The following SRGAP3 variants were observed in gnomAD, a reference collection of about 807,000 sequenced individuals.
SRGAP3 encodes SLIT-ROBO Rho GTPase activating protein 3.
Under a neutral mutation model 121.1 loss-of-function variants are expected in SRGAP3, and 39 were observed. That is an observed-to-expected ratio of 0.32 (90% CI 0.25 to 0.42). The LOEUF is 0.42. SRGAP3 is among the 10% of genes least tolerant of loss of function. The pLI, the probability that SRGAP3 is intolerant of heterozygous loss-of-function variation, is 1.00. For missense variants in SRGAP3, 1,213 were observed against 1,470.6 expected, an observed-to-expected ratio of 0.82 and a Z score of 2.86; for synonymous variants, 601 against 570.0, an observed-to-expected ratio of 1.05 and a Z score of -0.77.
At chr3:9,061,383 G>A (rs1946163631) in intron 5 of SRGAP3, among the ~76,000 whole-genome samples, 1 of 151,920 alleles carries the variant, frequency 6.6e-6, no homozygotes, top group South Asian at 2.1e-4. Context: ...AGCCTCCTTG[G>A]TCCATCCTTT....
intron 18 of SRGAP3, among the ~76,000 whole-genome samples, chr3:9,000,004 G>A (rs1335188414): frequency 3.9e-5 from 6 of 152,152 alleles, no homozygotes; most frequent in Admixed American, 1.3e-4. Context: ...TCTGTTACTT[G>A]AACCAAGACT....
chr3:9,061,382 G>T (rs1946163344), intron 5 of SRGAP3, among the ~76,000 whole-genome samples: 1 of 152,026 alleles, frequency 6.6e-6, no homozygotes, highest in South Asian at 2.1e-4. Context: ...CAGCCTCCTT[G>T]GTCCATCCTT....
chr3:9,264,680 C>G (rs1394384893), intron 3 of SRGAP3, among the ~76,000 whole-genome samples: 4 of 152,136 alleles, frequency 2.6e-5, no homozygotes, highest in African/African-American at 9.7e-5. Context: ...TGAAAGACCT[C>G]TTCAAGGAGA....
chr3:9,209,119 T>A (rs1028051723), intron 1 of SRGAP3, among the ~76,000 whole-genome samples: 19 of 152,198 alleles, frequency 1.2e-4, no homozygotes, highest in Non-Finnish European at 2.4e-4. Flanking sequence ...CCCACCAATA[T>A]TTTACCTTCC....
chr3:9,239,422 CAAGA>C lies in SRGAP3; in HGVS notation c.67+9459_67+9462del, dbSNP rs974404429. 5.9e-5 allele frequency among the ~76,000 whole-genome samples: 9 copies of C among 152,200 alleles called. No individual in the cohort carries two copies. The highest frequency in any genetic ancestry group is 3.4e-3 in the Middle Eastern group (1 of 294). ...AGATGTGAAATGGAGACTGAGTCACCAAGAAAGAAAGAAAAATATATTTCTTGTG... is the reference window on the plus strand; with the variant it reads ...AGATGTGAAATGGAGACTGAGTCACCAAGAAAGAAAAATATATTTCTTGTG... On this transcript the variant is annotated intron_variant, in intron 1 of 21. Transcript: ENST00000383836. This position sits in a 1 kb window ranked among gnomAD's most constrained non-coding sequence, Gnocchi z 4.0.
intron 6 of SRGAP3, chr3:9,059,666 T>A (rs561378683): frequency 5.4e-6 from 1 of 186,206 alleles, no homozygotes; most frequent in South Asian, 1.2e-4. Flanking sequence ...CCCTGTGGCG[T>A]GTCCTGCACA....
chr3:9,353,749 T>C (rs984313350), intron 1 of SRGAP3, among the ~76,000 whole-genome samples: 2 of 152,226 alleles, frequency 1.3e-5, no homozygotes, highest in African/African-American at 4.8e-5. Context: ...TTAATAAGAT[T>C]ATATTAATAG....
intron 1 of SRGAP3, among the ~76,000 whole-genome samples, chr3:9,148,226 G>A (rs946888401): frequency 7.1e-5 from 10 of 140,666 alleles, no homozygotes; most frequent in African/African-American, 2.8e-4. Context: ...CTCCAGAAAC[G>A]CCGGCTTTTA....
intron 3 of SRGAP3, among the ~76,000 whole-genome samples, chr3:9,301,051 G>C (rs1955046316): frequency 6.6e-6 from 1 of 152,134 alleles, no homozygotes; most frequent in Non-Finnish European, 1.5e-5. Context: ...TTAAAAAAGG[G>C]CTTAAATCTG....
At chr3:9,204,617 T>G (rs756408980) in intron 1 of SRGAP3, among the ~76,000 whole-genome samples, 4 of 151,480 alleles carry the variant, frequency 2.6e-5, no homozygotes, top group Non-Finnish European at 5.9e-5. Flanking sequence ...GAAAACATTC[T>G]ACACCCAAAC....
At chr3:9,230,474 G>A (rs1574910175) in intron 1 of SRGAP3, among the ~76,000 whole-genome samples, 1 of 152,226 alleles carries the variant, frequency 6.6e-6, no homozygotes, top group African/African-American at 2.4e-5. Flanking sequence ...GATGACAATC[G>A]TACCCCCATG....
chr3:9,163,611 C>T (rs939249042), intron 1 of SRGAP3, among the ~76,000 whole-genome samples: 7 of 152,156 alleles, frequency 4.6e-5, no homozygotes, highest in Non-Finnish European at 1.0e-4. Flanking sequence ...GTGGGGTACA[C>T]AGGAAAAAGG....
At chr3:9,360,068 C>A (rs2030712262) in intron 1 of SRGAP3, among the ~76,000 whole-genome samples, 1 of 152,104 alleles carries the variant, frequency 6.6e-6, no homozygotes, top group South Asian at 2.1e-4. Flanking sequence ...TGTCTGGTAC[C>A]ACAGATGAGT....
chr3:9,174,467 G>A (rs1951102233), intron 1 of SRGAP3, among the ~76,000 whole-genome samples: 1 of 152,214 alleles, frequency 6.6e-6, no homozygotes, highest in African/African-American at 2.4e-5. Flanking sequence ...AAGCAAGGTG[G>A]AGGGAGTAGG....
Position 9,013,469 on chromosome 3 carries a change from G to T in SRGAP3, c.1986C>A (p.Thr662=). 1 of 1,614,074 alleles carries T rather than the reference G, an allele frequency of 6.2e-7. No homozygotes were observed. The highest frequency in any genetic ancestry group is 8.5e-7 in the Non-Finnish European group (1 of 1,180,008). Residue 662 remains threonine (T), a synonymous_variant, in exon 17 of 22, where the codon ACC becomes ACA. Coordinates refer to ENST00000383836, the MANE Select transcript of SRGAP3 (RefSeq NM_014850.4). The stretch of plus-strand genomic sequence containing the variant: ...CCTGCCCATCAGGGATGTGCATGAG[G>T]GTAGGCCCGAAGCAGATGGCCAGGT... ...PYNLAICFGP[T]LMHIPDGQDP... is the part of the protein sequence containing the mutation.
At chr3:9,129,673 C>A (rs1204449745) in intron 1 of SRGAP3, among the ~76,000 whole-genome samples, 1 of 151,956 alleles carries the variant, frequency 6.6e-6, no homozygotes, top group East Asian at 1.9e-4. Flanking sequence ...TCTGCCTCAT[C>A]TCCTCAAATG....
At position 9,261,458 on chromosome 3, in the gene SRGAP3, G is replaced by A. The variant is rs533482054; in HGVS notation, n.442+64552C>T. ...AAGGAAACTAAGAACCTTGATAAAA[G>A]GTTACAGGAACTGCTAACTAGAATA... is the stretch of plus-strand genomic sequence containing the variant. On this transcript the variant is annotated intron_variant and non_coding_transcript_variant, in intron 3 of 3. Coordinates refer to the SRGAP3 transcript ENST00000490889. Among the ~76,000 whole-genome samples, 4 of 151,942 alleles carry A rather than the reference G, an allele frequency of 2.6e-5. No homozygotes were observed. The East Asian group carries it at 7.8e-4, about 30-fold the overall frequency.
chr3:9,135,416 A>G (rs1391213770), intron 1 of SRGAP3, among the ~76,000 whole-genome samples: 1 of 152,138 alleles, frequency 6.6e-6, no homozygotes, highest in Non-Finnish European at 1.5e-5. Flanking sequence ...ATGATGATGG[A>G]GACTCACTCT....
chr3:9,175,796 G>C (rs1220591313), intron 1 of SRGAP3, among the ~76,000 whole-genome samples: 1 of 152,192 alleles, frequency 6.6e-6, no homozygotes, highest in African/African-American at 2.4e-5. Flanking sequence ...TACATGTTTA[G>C]AGAGAAAAAG....
Sources: gnomAD v4.1 joint callset for allele counts (sites outside exome capture counted in the v4.1 genomes callset) on GRCh38, gnomAD v4.1.1 for gene constraint, Gnocchi (gnomAD v3.1) non-coding constraint, MANE v1.5 for transcripts, NCBI Gene and HGNC (gene_info 2026-07-23, HGNC 2026-07-21) for gene names.